PCSK7: variants seen among roughly 807,000 people sequenced by gnomAD.
PCSK7 encodes proprotein convertase subtilisin/kexin type 7.
A neutral mutation model predicts 73.3 loss-of-function variants in PCSK7; 38 were observed. The observed-to-expected ratio is 0.52, with a 90% confidence interval of 0.40 to 0.68. The LOEUF is 0.68. Among genes scored for constraint, PCSK7 ranks in the 30% least tolerant of loss-of-function variants. The pLI, the probability that PCSK7 is intolerant of heterozygous loss-of-function variation, is 0.00. For synonymous variants in PCSK7, 296 were observed against 383.8 expected (o/e 0.77, Z 2.68); for missense variants, 692 against 991.5 (o/e 0.70, Z 4.06).
chr11:117,227,544 G>A (rs1050150037), intron 4 of PCSK7, among the ~76,000 whole-genome samples: 4 of 152,186 alleles, frequency 2.6e-5, no homozygotes, highest in Non-Finnish European at 5.9e-5. Context: ...CCAGGTTCAA[G>A]CGATTCTTCT....
rs1363341703 is a variant in PCSK7, at chr11:117,227,181, C to T, written c.745G>A (p.Val249Met). The T allele has an allele frequency of 3.1e-6, 5 of 1,608,320 alleles. No individual in the cohort carries two copies. Among genetic ancestry groups the T allele is most frequent in the Non-Finnish European group, 3.4e-6 (4 of 1,177,142 alleles). ...VPNNSFCAVG[V>M]AYGSRIAGIR... Reference sequence around the variant, plus strand: ...CCTGCGATGCGGCTCCCGTAGGCCACGCCCACGGCACAGAAGCTGTTGTTG... The same window carrying T: ...CCTGCGATGCGGCTCCCGTAGGCCATGCCCACGGCACAGAAGCTGTTGTTG... Residue 249 changes from valine (V) to methionine (M), a missense_variant, in exon 5 of 17, where the codon GTG becomes ATG. Transcript: ENST00000320934.
rs541803323 is a variant in PCSK7, at chr11:117,205,460, G to C, written c.*537C>G. On this transcript the variant is annotated 3_prime_UTR_variant, in exon 17 of 17. Coordinates refer to ENST00000320934, the MANE Select transcript of PCSK7 (RefSeq NM_004716.4). ...GCCGGCAGCATCATACCAATCGTGG[G>C]GGTGGTGAAGGAGCCAGGGGTTCAT... 3.4e-5 allele frequency: 8 copies of C among 234,046 alleles called. No homozygotes were observed. The South Asian group carries it at 1.3e-3, about 37-fold the overall frequency. 14.5% of individuals were successfully genotyped at this position (234,046 alleles called of 1,614,324 possible).
rs2032569395 is a variant in PCSK7, at chr11:117,229,700, T to G, written c.145A>C (p.Thr49Pro). 1.9e-6 allele frequency: 3 copies of G among 1,613,712 alleles called. No homozygotes were observed. The African/African-American group carries it at 4.0e-5, about 22-fold the overall frequency. Residue 49 changes from threonine to proline, a missense_variant, in exon 3 of 17, where the codon ACA (threonine) becomes CCA (proline). Physicochemically the swap from Thr to Pro is conservative, Grantham distance 38 (BLOSUM62 -1). Transcript: ENST00000320934. ...AGTGGPDGQG[T>P]GGPSWAVHLE... ...TGCACAGCCCAGCTCGGCCCCCCTG[T>G]GCCCTGGCCATCAGGCCCACCTGTC...
At position 117,206,296 on chromosome 11, in the gene PCSK7, A is replaced by G. The variant is rs1361156514; in HGVS notation, c.2059T>C (p.Tyr687His). 6.2e-7 allele frequency: 1 copy of G among 1,614,152 alleles called. No individual in the cohort carries two copies. The highest frequency in any genetic ancestry group is 1.1e-5 in the South Asian group (1 of 91,086). Residue 687 changes from tyrosine (Y) to histidine (H), a missense_variant, in exon 17 of 17, where the codon TAT becomes CAT. Tyr to His is a moderately conservative substitution (Grantham distance 83). Transcript: ENST00000320934. ...GAAGCCACATTCCTCTGGCTCAAAT[A>G]TACTTCCAGCATGTAGTAAACAGTC... ...FWTVYYMLEV[Y>H]LSQRNVASNQ...
rs2032091728 is a variant in PCSK7, at chr11:117,218,971, T to C, written c.1431+86A>G. 2 of 759,174 alleles carry C rather than the reference T, an allele frequency of 2.6e-6. No individual in the cohort carries two copies. The highest frequency in any genetic ancestry group is 2.7e-5 in the East Asian group (1 of 37,570). 47.0% of individuals were successfully genotyped at this position (759,174 alleles called of 1,614,324 possible). A position where few individuals can be genotyped will look rare whatever the true frequency, so the allele number is the denominator to read the frequency against. On this transcript the variant is annotated intron_variant, in intron 11 of 16. Transcript: ENST00000320934. The surrounding 1 kb of genome is among the most constrained non-coding windows in gnomAD (Gnocchi z 4.0). ...ACTGAATGAACATTTACTAGGCACCTATGATATCCCAGGCAGTTTGGGGCA... is the reference window on the plus strand; with the variant it reads ...ACTGAATGAACATTTACTAGGCACCCATGATATCCCAGGCAGTTTGGGGCA...
At chr11:117,225,590 T>A in intron 6 of PCSK7, 1 of 327,692 alleles carries the variant, frequency 3.1e-6, no homozygotes, top group South Asian at 4.5e-5. Flanking sequence ...GAAGGTGCAG[T>A]GCATTGGCGT....
Position 117,229,595 on chromosome 11 carries a change from C to G in PCSK7, c.250G>C (p.Val84Leu), listed in dbSNP as rs372157250. 3.1e-6 allele frequency: 5 copies of G among 1,614,040 alleles called. No homozygotes were observed. In the African/African-American group the frequency reaches 6.7e-5, roughly 22 times the overall value. Residue 84 changes from valine (V) to leucine (L), a missense_variant, in exon 3 of 17, where the codon GTG (valine) becomes CTG (leucine). Transcript: ENST00000320934. ...AGCTCTCCGATGCGTCCAGCATTCA[C>G]CAGCCCTGCTGCCTGGGCCAAGGCA... is the stretch of plus-strand genomic sequence containing the variant. ...ADALAQAAGL[V>L]NAGRIGELQG...
chr11:117,225,012 G>T, intron 6 of PCSK7: 1 of 386,644 alleles, frequency 2.6e-6, no homozygotes, highest in Non-Finnish European at 4.9e-6. Flanking sequence ...GAGAGGGACA[G>T]AGGTCACTCA....
intron 9 of PCSK7, 25 bp downstream of exon 9, chr11:117,223,183 C>T (rs775626862): frequency 4.2e-5 from 58 of 1,378,122 alleles, no homozygotes; most frequent in African/African-American, 1.3e-4. Flanking sequence ...AGGGGCAGGC[C>T]GTGGAGGGCC....
chr11:117,218,601 C>T lies in PCSK7; in HGVS notation c.1432-33G>A, dbSNP rs2032079692. ...AGGAAAGGAGGGGATGGCAAATCAACAAACAAGAATGATCACACCCACATT... is the reference window on the plus strand; with the variant it reads ...AGGAAAGGAGGGGATGGCAAATCAATAAACAAGAATGATCACACCCACATT... On this transcript the variant is annotated intron_variant, in intron 11 of 16. Transcript: ENST00000320934. The surrounding 1 kb of genome is among the most constrained non-coding windows in gnomAD (Gnocchi z 4.0). The T allele has an allele frequency of 8.1e-7, 1 of 1,229,200 alleles. No individual in the cohort carries two copies. 76.1% of individuals were successfully genotyped at this position (1,229,200 alleles called of 1,614,324 possible).
intron 2 of PCSK7, 170 bp from the exon 3 acceptor site, chr11:117,230,026 A>C: frequency 1.8e-6 from 1 of 556,474 alleles, no homozygotes; most frequent in Non-Finnish European, 3.1e-6. Context: ...TCCCTGACCA[A>C]CAGGGATAAG....
In PCSK7 at chr11:117,204,419, G is replaced by C. The variant is rs559166731; in HGVS notation, c.*1578C>G. 2.2e-4 allele frequency: 357 copies of C among 1,610,204 alleles called. No individual in the cohort carries two copies. In the South Asian group the frequency reaches 3.7e-3, roughly 17 times the overall value. On this transcript the variant is annotated 3_prime_UTR_variant, in exon 17 of 17. Coordinates refer to ENST00000320934, the MANE Select transcript of PCSK7 (RefSeq NM_004716.4). Reference sequence around the variant, plus strand: ...CCAGCTCCTTGGCTGCAGCCATCCCGCTTAGCCTGCCTCACCCACACCCGT... The same window carrying C: ...CCAGCTCCTTGGCTGCAGCCATCCCCCTTAGCCTGCCTCACCCACACCCGT...
At position 117,219,460 on chromosome 11, in the gene PCSK7, T is replaced by C. The variant is rs1008802998; in HGVS notation, c.1323+131A>G. On this transcript the variant is annotated intron_variant, in intron 10 of 16. Coordinates refer to ENST00000320934, the MANE Select transcript of PCSK7 (RefSeq NM_004716.4). ...GGTCCCCACACCTGTTCTTTACATA[T>C]GCAACTCTGAAAGGGACTCTGAAAG... 8 of 886,876 alleles carry C rather than the reference T, an allele frequency of 9.0e-6. No homozygotes were observed. In the African/African-American group the frequency reaches 1.0e-4, roughly 11 times the overall value. 54.9% of individuals were successfully genotyped at this position (886,876 alleles called of 1,614,324 possible).
At chr11:117,215,372 G>GTATA (rs1342453814) in intron 12 of PCSK7, 137 of 78,984 alleles carry the variant, frequency 1.7e-3, no homozygotes, top group East Asian at 2.5e-3. Flanking sequence ...ATTTGTGTGT[G>GTATA]TGTGTGTGTA....
chr11:117,229,991 G>A (rs1306002607), intron 2 of PCSK7, 135 bp from the exon 3 acceptor site: 1 of 600,228 alleles, frequency 1.7e-6, no homozygotes, highest in Non-Finnish European at 2.9e-6. Flanking sequence ...TGAAACATTT[G>A]ATCTTCTCTT....
intron 9 of PCSK7, chr11:117,222,792 G>C (rs2032254088): frequency 6.2e-6 from 1 of 162,038 alleles, no homozygotes; most frequent in African/African-American, 2.4e-5. Context: ...GATTACAGAT[G>C]CCCGCCACCA....
chr11:117,208,521 T>TA (rs1267957635), intron 13 of PCSK7: 8 of 290,432 alleles, frequency 2.8e-5, no homozygotes, highest in African/African-American at 5.3e-5. Flanking sequence ...AGCTAATCTT[T>TA]AAATTTTTTG....
Position 117,218,253 on chromosome 11 carries a change from G to A in PCSK7, c.1534+213C>T, listed in dbSNP as rs1376045141. 1 of 234,678 alleles carries A rather than the reference G, an allele frequency of 4.3e-6. No homozygotes were observed. Among genetic ancestry groups the A allele is most frequent in the Non-Finnish European group, 8.4e-6 (1 of 119,484 alleles). The allele number at this position is 234,678 out of a possible 1,614,324, so 14.5% of individuals were successfully genotyped here. A position where few individuals can be genotyped will look rare whatever the true frequency, so the allele number is the denominator to read the frequency against. ...GCTCTGCTGCTCCTTTTCACTACTAGGAACCCAGGAGAAAGGTCTTGTTTA... is the reference window on the plus strand; with the variant it reads ...GCTCTGCTGCTCCTTTTCACTACTAAGAACCCAGGAGAAAGGTCTTGTTTA... On this transcript the variant is annotated intron_variant, in intron 12 of 16. Coordinates refer to ENST00000320934, the MANE Select transcript of PCSK7 (RefSeq NM_004716.4). The surrounding 1 kb of genome is among the most constrained non-coding windows in gnomAD (Gnocchi z 4.0).
chr11:117,227,870 C>A (rs1227928430), intron 4 of PCSK7, among the ~76,000 whole-genome samples: 2 of 152,200 alleles, frequency 1.3e-5, no homozygotes, highest in African/African-American at 4.8e-5. Context: ...GTGCCTACAG[C>A]TCCACGGCTT....
Sources: allele counts gnomAD v4.1 joint callset (sites outside exome capture counted in the v4.1 genomes callset), GRCh38; gene constraint gnomAD v4.1.1; non-coding constraint Gnocchi (gnomAD v3.1); transcripts MANE v1.5; gene names NCBI Gene and HGNC (gene_info 2026-07-23, HGNC 2026-07-21).